ME1: variants seen among roughly 807,000 people sequenced by gnomAD.
ME1 encodes the protein malic enzyme 1.
A neutral mutation model predicts 66.4 loss-of-function variants in ME1; 74 were observed. The ratio of observed to expected loss-of-function variants is 1.11; its 90% CI spans 0.92 to 1.35. The LOEUF (loss-of-function observed/expected upper bound fraction) is 1.35, where lower values mean the gene tolerates loss of function less well. Among genes scored for constraint, ME1 ranks in the 40% most tolerant of loss-of-function variants. The pLI is 0.00. For missense variants in ME1, 750 were observed against 694.1 expected (o/e 1.08, Z -0.90); for synonymous variants, 251 against 235.6 (o/e 1.07, Z -0.60).
chr6:83,291,300 T>C (rs1767498456), intron 6 of ME1, among the ~76,000 whole-genome samples: 1 of 152,204 alleles, frequency 6.6e-6, no homozygotes, highest in South Asian at 2.1e-4. Context: ...CAGAAGCTCT[T>C]GTAAGGCAGG....
chr6:83,378,763 A>T (rs139125846), intron 3 of ME1, among the ~76,000 whole-genome samples: 1 of 151,768 alleles, frequency 6.6e-6, no homozygotes, highest in Non-Finnish European at 1.5e-5. Context: ...AAACTGACTG[A>T]ACTGGCTTAA....
intron 3 of ME1, among the ~76,000 whole-genome samples, chr6:83,390,310 G>A (rs924884760): frequency 1.3e-5 from 2 of 152,122 alleles, no homozygotes; most frequent in African/African-American, 4.8e-5. Flanking sequence ...TACACAGTAA[G>A]TATTAATAGA....
chr6:83,240,347 C>A, intron 7 of ME1, among the ~76,000 whole-genome samples: 1 of 151,936 alleles, frequency 6.6e-6, no homozygotes, highest in East Asian at 1.9e-4. Context: ...GACTTTTTAC[C>A]TATGAAAATC....
chr6:83,420,453 G>A lies in ME1; in HGVS notation c.78+10424C>T, dbSNP rs967655834. Among the ~76,000 whole-genome samples, 5 of 152,316 alleles carry A rather than the reference G, an allele frequency of 3.3e-5. No individual in the cohort carries two copies. The South Asian group carries it at 6.2e-4, about 19-fold the overall frequency. ...ACAGAGCAGCAAAAGAGAAGCCTAC[G>A]TTCCTGATGACTTTGTGGACCCACA... is the stretch of plus-strand genomic sequence containing the variant. On this transcript the variant is annotated intron_variant, in intron 1 of 13. Coordinates refer to ENST00000369705, the MANE Select transcript of ME1 (RefSeq NM_002395.6).
intron 1 of ME1, among the ~76,000 whole-genome samples, chr6:83,420,379 T>A (rs1435028517): frequency 6.6e-6 from 1 of 152,204 alleles, no homozygotes; most frequent in Non-Finnish European, 1.5e-5. Flanking sequence ...GTAGGTGGTA[T>A]CTTTAGACCT....
chr6:83,317,255 A>C (rs1160248642), intron 5 of ME1, among the ~76,000 whole-genome samples: 1 of 152,214 alleles, frequency 6.6e-6, no homozygotes, highest in Non-Finnish European at 1.5e-5. Context: ...AAATCTCTGA[A>C]TGATTTAAAG....
At chr6:83,328,304 C>T (rs549250168) in intron 5 of ME1, among the ~76,000 whole-genome samples, 271 of 151,840 alleles carry the variant, frequency 1.8e-3, no homozygotes, top group African/African-American at 4.8e-3. Flanking sequence ...CATCACACAG[C>T]GGGGCATGTC....
At chr6:83,424,480 A>G (rs1323647201) in intron 1 of ME1, among the ~76,000 whole-genome samples, 1 of 152,244 alleles carries the variant, frequency 6.6e-6, no homozygotes, top group Non-Finnish European at 1.5e-5. Context: ...ATGATATGAT[A>G]GAAATCTGTT....
At chr6:83,321,451 C>T (rs757294858) in intron 5 of ME1, among the ~76,000 whole-genome samples, 38 of 152,110 alleles carry the variant, frequency 2.5e-4, no homozygotes, top group Non-Finnish European at 4.9e-4. Flanking sequence ...CTGGGACACT[C>T]GAGCTTGGTG....
At chr6:83,343,478 A>G (rs1025713248) in intron 5 of ME1, among the ~76,000 whole-genome samples, 1 of 152,200 alleles carries the variant, frequency 6.6e-6, no homozygotes, top group Non-Finnish European at 1.5e-5. Context: ...TGCCCTTAAT[A>G]TTCCTGAAAG....
intron 3 of ME1, among the ~76,000 whole-genome samples, chr6:83,370,637 G>T (rs1159775193): frequency 6.6e-6 from 1 of 151,978 alleles, no homozygotes; most frequent in African/African-American, 2.4e-5. Flanking sequence ...CATTTAGACT[G>T]GTATCTCAGG....
rs1157305176 is a variant in ME1, at chr6:83,233,069, A to C, written c.1027-4138T>G. Among the ~76,000 whole-genome samples, 3 of 152,184 alleles carry C rather than the reference A, an allele frequency of 2.0e-5. No individual in the cohort carries two copies. In the East Asian group the frequency reaches 5.8e-4, roughly 29 times the overall value. On this transcript the variant is annotated intron_variant, in intron 9 of 13. Coordinates refer to ENST00000369705, the MANE Select transcript of ME1 (RefSeq NM_002395.6). The stretch of plus-strand genomic sequence containing the variant: ...AGCATTAATTTCGTTTATTAGTGAG[A>C]GCGAAAATATAATATTTATTTAAGA...
intron 3 of ME1, among the ~76,000 whole-genome samples, chr6:83,367,240 G>T (rs1011524990): frequency 6.6e-6 from 1 of 152,162 alleles, no homozygotes; most frequent in Non-Finnish European, 1.5e-5. Context: ...CAGATGTGCT[G>T]TCATCCAGAC....
intron 10 of ME1, among the ~76,000 whole-genome samples, chr6:83,228,195 A>G (rs1401164410): frequency 6.6e-6 from 1 of 152,218 alleles, no homozygotes; most frequent in Non-Finnish European, 1.5e-5. Context: ...TTCTAAAACC[A>G]CTTTAAAGTC....
intron 6 of ME1, among the ~76,000 whole-genome samples, chr6:83,269,596 C>G (rs576167724): frequency 1.5e-3 from 222 of 152,206 alleles, no homozygotes; most frequent in African/African-American, 4.7e-3. Context: ...CAGATATACC[C>G]AACTGTTCCC....
intron 6 of ME1, among the ~76,000 whole-genome samples, chr6:83,256,628 T>C (rs1766777705): frequency 1.3e-5 from 2 of 152,122 alleles, no homozygotes; most frequent in African/African-American, 2.4e-5. Flanking sequence ...TGGAAAACAG[T>C]GTGACGGTTC....
intron 11 of ME1, among the ~76,000 whole-genome samples, 194 bp from the exon 12 acceptor site, chr6:83,224,127 T>A (rs1790143083): frequency 6.6e-6 from 1 of 152,190 alleles, no homozygotes; most frequent in Admixed American, 6.5e-5. Context: ...TGATTATTAC[T>A]ATTCTCTGTC....
intron 6 of ME1, among the ~76,000 whole-genome samples, chr6:83,272,877 A>G (rs1767110430): frequency 6.6e-6 from 1 of 152,192 alleles, no homozygotes; most frequent in Non-Finnish European, 1.5e-5. Context: ...ATAGCTCCTT[A>G]GAATATAGGC....
chr6:83,327,322 T>C (rs1270577106), intron 5 of ME1, among the ~76,000 whole-genome samples: 1 of 152,232 alleles, frequency 6.6e-6, no homozygotes, highest in African/African-American at 2.4e-5. Flanking sequence ...ACTCTGACCA[T>C]TGGTGAGCTG....
Sources: allele counts gnomAD v4.1 joint callset (sites outside exome capture counted in the v4.1 genomes callset), GRCh38; gene constraint gnomAD v4.1.1; transcripts MANE v1.5; gene names NCBI Gene and HGNC (gene_info 2026-07-23, HGNC 2026-07-21).